The following CEP44 variants were observed in gnomAD, a reference collection of about 807,000 sequenced individuals.
The protein encoded by CEP44 is centrosomal protein 44.
CEP44 carries 45 observed loss-of-function variants against 46.7 expected under a neutral mutation model. The observed-to-expected ratio is 0.96, with a 90% CI of 0.76 to 1.24. CEP44 has a LOEUF of 1.24. Ranked by LOEUF, CEP44 falls within the 50% of genes most tolerant of loss-of-function variation. The pLI is 0.00. For synonymous variants in CEP44, 142 were observed against 146.0 expected, an observed-to-expected ratio of 0.97 and a Z score of 0.20; for missense variants, 475 against 459.7, an observed-to-expected ratio of 1.03 and a Z score of -0.30.
At chr4:174,322,487 A>G (rs760725844), downstream of CEP44, among the ~76,000 whole-genome samples, 23 of 152,110 alleles carry the variant, frequency 1.5e-4, no homozygotes, top group Non-Finnish European at 2.6e-4. Context: ...TTCCCTGTTT[A>G]TGCTATGAAA....
rs1384695363 is a variant in CEP44 at position 174,319,682 on chromosome 4, C to T, written c.*2299C>T. ...TGTTATCAGGTGGAAATTTAGAATCCAAATTTTCTTAAACTTTAATAACTT... is the reference window on the plus strand; with the variant it reads ...TGTTATCAGGTGGAAATTTAGAATCTAAATTTTCTTAAACTTTAATAACTT... On this transcript the variant is annotated 3_prime_UTR_variant, in exon 12 of 12. Coordinates refer to ENST00000503780, the MANE Select transcript of CEP44 (RefSeq NM_001040157.3). 1 of 784,168 alleles carries T rather than the reference C, an allele frequency of 1.3e-6. No homozygotes were observed. Among genetic ancestry groups the T allele is most frequent in the Non-Finnish European group, 1.5e-6 (1 of 646,116 alleles). 48.6% of individuals were successfully genotyped at this position (784,168 alleles called of 1,614,324 possible).
intron 6 of CEP44, among the ~76,000 whole-genome samples, chr4:174,305,820 A>G (rs1465789184): frequency 6.6e-6 from 1 of 152,238 alleles, no homozygotes; most frequent in African/African-American, 2.4e-5. Flanking sequence ...ATTTATTGAT[A>G]TAATGTGCTT....
Position 174,319,026 on chromosome 4 carries a change from C to A in CEP44, c.*1643C>A. Reference sequence around the variant, plus strand: ...GTTTCACCATGTTGCCCAGTCTGTTCTCAAACTCGTGAGCTAAAGCTACTC... The same window carrying A: ...GTTTCACCATGTTGCCCAGTCTGTTATCAAACTCGTGAGCTAAAGCTACTC... On this transcript the variant is annotated 3_prime_UTR_variant, in exon 12 of 12. Coordinates refer to ENST00000503780, the MANE Select transcript of CEP44 (RefSeq NM_001040157.3). 1 of 467,300 alleles carries A rather than the reference C, an allele frequency of 2.1e-6. No individual in the cohort carries two copies. The highest frequency in any genetic ancestry group is 2.8e-6 in the Non-Finnish European group (1 of 356,896). 28.9% of individuals were successfully genotyped at this position (467,300 alleles called of 1,614,324 possible).
Position 174,319,401 on chromosome 4 carries a change from A to T in CEP44, c.*2018A>T. 1.0e-6 allele frequency: 1 copy of T among 984,700 alleles called. No homozygotes were observed. Among genetic ancestry groups the T allele is most frequent in the Non-Finnish European group, 1.2e-6 (1 of 829,266 alleles). 61.0% of individuals were successfully genotyped at this position (984,700 alleles called of 1,614,324 possible). A position where few individuals can be genotyped will look rare whatever the true frequency, so the allele number is the denominator to read the frequency against. On this transcript the variant is annotated 3_prime_UTR_variant, in exon 12 of 12. Coordinates refer to ENST00000503780, the MANE Select transcript of CEP44 (RefSeq NM_001040157.3). ...ACATGCCAGTATTTTACCTTTTGTT[A>T]AAACAAGTGATTTCCCATCAAACAG...
chr4:174,294,242 ACT>A (rs1316020626), intron 1 of CEP44, among the ~76,000 whole-genome samples: 6 of 150,228 alleles, frequency 4.0e-5, no homozygotes, highest in Non-Finnish European at 8.9e-5. Context: ...AGTGGTGATG[ACT>A]CTTAACGAGC....
At chr4:174,325,294 A>G (rs78393297), downstream of CEP44, among the ~76,000 whole-genome samples, 574 of 152,242 alleles carry the variant, frequency 3.8e-3, 2 homozygotes, top group Middle Eastern at 0.017. The surrounding 1 kb of genome is among the most constrained non-coding windows in gnomAD (Gnocchi z 4.4). Flanking sequence ...TTTCATTAAC[A>G]GTGTTTTTTA....
downstream of CEP44, among the ~76,000 whole-genome samples, chr4:174,325,067 CAG>C (rs1430176354): frequency 6.6e-6 from 1 of 152,156 alleles, no homozygotes; most frequent in East Asian, 1.9e-4. This position sits in a 1 kb window ranked among gnomAD's most constrained non-coding sequence, Gnocchi z 4.4. Flanking sequence ...GTGATTAAAA[CAG>C]TGTGTAATGG....
chr4:174,316,051 G>A (rs979739127), intron 9 of CEP44, 115 bp from the exon 10 acceptor site: 8 of 1,270,856 alleles, frequency 6.3e-6, no homozygotes, highest in East Asian at 5.1e-5. Flanking sequence ...TGATCTATGC[G>A]GATAGCCATT....
Position 174,329,341 on chromosome 4 carries a change from GACACACACACAC to G in CEP44, c.1087-2133_1087-2122del, listed in dbSNP as rs374868449. On this transcript the variant is annotated intron_variant, in intron 8 of 8. Coordinates refer to the CEP44 transcript ENST00000426172. This position sits in a 1 kb window ranked among gnomAD's most constrained non-coding sequence, Gnocchi z 4.0. ...TTGCTCAAACACAGACACACACACA[GACACACACACAC>G]ACACACATTTTAATAGGAGTTAATT... is the stretch of plus-strand genomic sequence containing the variant. Among the ~76,000 whole-genome samples, 3 of 150,220 alleles carry G rather than the reference GACACACACACAC, an allele frequency of 2.0e-5. No individual in the cohort carries two copies. The highest frequency in any genetic ancestry group is 3.0e-5 in the Non-Finnish European group (2 of 67,384).
downstream of CEP44, among the ~76,000 whole-genome samples, chr4:174,324,010 A>G (rs967512668): frequency 6.6e-6 from 1 of 152,202 alleles, no homozygotes; most frequent in African/African-American, 2.4e-5. Context: ...AACTAGAAGC[A>G]AGCGACTACA....
At chr4:174,306,194 G>A (rs555915940) in intron 6 of CEP44, among the ~76,000 whole-genome samples, 1 of 152,098 alleles carries the variant, frequency 6.6e-6, no homozygotes, top group Admixed American at 6.5e-5. Context: ...AGGATTTCTA[G>A]GTAAATGCAT....
Position 174,329,339 on chromosome 4 carries a change from C to CAG in CEP44, c.1087-2141_1087-2140dup, listed in dbSNP as rs1174177490. On this transcript the variant is annotated intron_variant, in intron 8 of 8. Coordinates refer to the CEP44 transcript ENST00000426172. The surrounding 1 kb of genome is among the most constrained non-coding windows in gnomAD (Gnocchi z 4.0). ...CTTTGCTCAAACACAGACACACACACAGACACACACACACACACACATTTT... is the reference window on the plus strand; with the variant it reads ...CTTTGCTCAAACACAGACACACACACAGAGACACACACACACACACACATTTT... Among the ~76,000 whole-genome samples, 2 of 144,018 alleles carry CAG rather than the reference C, an allele frequency of 1.4e-5. No individual in the cohort carries two copies. The highest frequency in any genetic ancestry group is 3.9e-4 in the East Asian group (2 of 5,184). 94.5% of individuals were successfully genotyped at this position (144,018 alleles called of 152,430 possible).
intron 8 of CEP44, among the ~76,000 whole-genome samples, chr4:174,328,619 T>C (rs1033763364): frequency 2.0e-5 from 3 of 152,354 alleles, no homozygotes; most frequent in Non-Finnish European, 2.9e-5. Flanking sequence ...TAGAGTCTTA[T>C]GGTGTATCCA....
chr4:174,300,176 T>G lies in CEP44; in HGVS notation c.89+966T>G, dbSNP rs1171653773. Among the ~76,000 whole-genome samples, 3 of 152,254 alleles carry G rather than the reference T, an allele frequency of 2.0e-5. No homozygotes were observed. In the East Asian group the frequency reaches 5.8e-4, roughly 29 times the overall value. On this transcript the variant is annotated intron_variant, in intron 3 of 11. Coordinates refer to ENST00000503780, the MANE Select transcript of CEP44 (RefSeq NM_001040157.3). Reference sequence around the variant, plus strand: ...TGGGCTTTACATATAAGAATGGATATCCATATAAGAATGGATATTCTAATA... The same window carrying G: ...TGGGCTTTACATATAAGAATGGATAGCCATATAAGAATGGATATTCTAATA...
At chr4:174,330,031 A>C (rs1731233391) in intron 8 of CEP44, among the ~76,000 whole-genome samples, 5 of 152,282 alleles carry the variant, frequency 3.3e-5, no homozygotes, top group Admixed American at 3.3e-4. Flanking sequence ...ACACATGTTC[A>C]TTTTTTAATT....
At chr4:174,315,347 A>G (rs529644867) in intron 9 of CEP44, among the ~76,000 whole-genome samples, 1 of 151,732 alleles carries the variant, frequency 6.6e-6, no homozygotes, top group African/African-American at 2.4e-5. Flanking sequence ...TTTGTAGGGG[A>G]GATGCCATCA....
At chr4:174,307,081 T>C (rs1740496157) in intron 6 of CEP44, among the ~76,000 whole-genome samples, 1 of 152,078 alleles carries the variant, frequency 6.6e-6, no homozygotes, top group Non-Finnish European at 1.5e-5. Context: ...TAAACTACCA[T>C]TGACAGTCTT....
chr4:174,298,952 G>A (rs889217581), intron 2 of CEP44, 120 bp from the exon 3 acceptor site: 2 of 548,166 alleles, frequency 3.6e-6, no homozygotes, highest in South Asian at 2.7e-5. Context: ...GAAGCTCGGG[G>A]AAAAAGAGCT....
intron 9 of CEP44, among the ~76,000 whole-genome samples, 184 bp from the exon 10 acceptor site, chr4:174,315,982 A>G (rs561256278): frequency 5.9e-5 from 9 of 152,182 alleles, no homozygotes; most frequent in East Asian, 3.9e-4. Context: ...TTATTGGGCA[A>G]TTTTTAACAT....
Sources: gnomAD v4.1 joint callset for allele counts (sites outside exome capture counted in the v4.1 genomes callset) on GRCh38, gnomAD v4.1.1 for gene constraint, Gnocchi (gnomAD v3.1) non-coding constraint, MANE v1.5 for transcripts, NCBI Gene and HGNC (gene_info 2026-07-23, HGNC 2026-07-21) for gene names.